TANC1: variants seen among roughly 807,000 people sequenced by gnomAD.
TANC1 encodes the protein protein TANC1.
A neutral mutation model predicts 149.7 loss-of-function variants in TANC1; 77 were observed. The ratio of observed to expected loss-of-function variants is 0.51; its 90% CI spans 0.43 to 0.62. The LOEUF (loss-of-function observed/expected upper bound fraction) is 0.62, where lower values mean the gene tolerates loss of function less well. TANC1 is among the 20% of genes least tolerant of loss of function. TANC1 has a pLI of 0.00. For missense variants in TANC1, 1,985 were observed against 2,321.8 expected (o/e 0.85, Z 2.98); for synonymous variants, 854 against 925.0 (o/e 0.92, Z 1.39).
chr2:159,029,458 G>A (rs867353987), intron 2 of TANC1, among the ~76,000 whole-genome samples: 2 of 152,136 alleles, frequency 1.3e-5, no homozygotes, highest in East Asian at 3.9e-4. Context: ...CATACAGAGT[G>A]GGTTCTTTCC....
chr2:159,028,001 T>A (rs769033208), intron 2 of TANC1, among the ~76,000 whole-genome samples: 2 of 152,188 alleles, frequency 1.3e-5, no homozygotes, highest in Non-Finnish European at 2.9e-5. Context: ...CCCATCCCGA[T>A]GACCTCATCT....
In TANC1 at chr2:159,216,507, G is replaced by A. The variant is rs569713529; in HGVS notation, c.3245-990G>A. On this transcript the variant is annotated intron_variant, in intron 19 of 26. Coordinates refer to ENST00000263635, the MANE Select transcript of TANC1 (RefSeq NM_033394.3). ...TGGGGTTGTTTCTGCCACCTCCTCC[G>A]TCCTCCTCTCTAGACAATGATTCTT... Among the ~76,000 whole-genome samples, 35 of 152,128 alleles carry A rather than the reference G, an allele frequency of 2.3e-4. No homozygotes were observed. The East Asian group carries it at 2.5e-3, about 11-fold the overall frequency.
intron 14 of TANC1, among the ~76,000 whole-genome samples, chr2:159,184,445 C>A (rs1477614227): frequency 2.6e-5 from 4 of 152,076 alleles, no homozygotes; most frequent in African/African-American, 7.3e-5. Context: ...TTAGGCCCGG[C>A]CACCAAGGGG....
chr2:159,089,162 T>C (rs2045272436), intron 3 of TANC1, among the ~76,000 whole-genome samples: 1 of 150,984 alleles, frequency 6.6e-6, no homozygotes, highest in Admixed American at 6.6e-5. Flanking sequence ...TTTTATAGAC[T>C]GGAGTGTGGT....
chr2:159,177,470 A>G (rs1221090518), intron 13 of TANC1, among the ~76,000 whole-genome samples: 1 of 152,190 alleles, frequency 6.6e-6, no homozygotes, highest in East Asian at 1.9e-4. Flanking sequence ...TTTTTTCATT[A>G]TAAAAACTGA....
At chr2:159,189,937 C>T (rs13404031) in intron 16 of TANC1, among the ~76,000 whole-genome samples, 34,786 of 152,128 alleles carry the variant, frequency 0.23, 4,177 homozygotes, top group Middle Eastern at 0.32. Context: ...GGTAAAAATA[C>T]GTACAGCATT....
At chr2:159,226,289 A>T (rs2060022252) in intron 24 of TANC1, 1 of 168,102 alleles carries the variant, frequency 5.9e-6, no homozygotes, top group African/African-American at 2.4e-5. Flanking sequence ...TCTGAGAGCC[A>T]TTATTTCTGA....
At chr2:159,135,064 C>T (rs751063461) in intron 4 of TANC1, among the ~76,000 whole-genome samples, 1 of 152,136 alleles carries the variant, frequency 6.6e-6, no homozygotes, top group South Asian at 2.1e-4. Context: ...TTTGGTCACT[C>T]TAGAAAGAAG....
In TANC1 at chr2:158,985,123, T is replaced by G. The variant is rs2034851955; in HGVS notation, c.-125-15957T>G. ...CTTTTGAAGTAGGTCAGGTGAGAGATGATGTTTGAGGCCTGAGTTAGTGGG... is the reference window on the plus strand; with the variant it reads ...CTTTTGAAGTAGGTCAGGTGAGAGAGGATGTTTGAGGCCTGAGTTAGTGGG... On this transcript the variant is annotated intron_variant, in intron 1 of 26. Transcript: ENST00000263635. Among the ~76,000 whole-genome samples the G allele has an allele frequency of 2.6e-5, 4 of 152,016 alleles. No individual in the cohort carries two copies. The South Asian group carries it at 8.3e-4, about 32-fold the overall frequency.
At chr2:159,110,857 C>G (rs887497069) in intron 4 of TANC1, among the ~76,000 whole-genome samples, 2 of 152,180 alleles carry the variant, frequency 1.3e-5, no homozygotes, top group Non-Finnish European at 2.9e-5. Flanking sequence ...ACCCTCTGGT[C>G]TGTGTTTTCT....
At chr2:159,156,395 G>T (rs1432552364) in intron 7 of TANC1, among the ~76,000 whole-genome samples, 1 of 152,186 alleles carries the variant, frequency 6.6e-6, no homozygotes, top group Non-Finnish European at 1.5e-5. Context: ...CAAAGAGCCT[G>T]CTGTACTTTT....
chr2:159,025,254 C>T, intron 2 of TANC1, among the ~76,000 whole-genome samples: 1 of 79,750 alleles, frequency 1.3e-5, no homozygotes, highest in East Asian at 3.6e-4. Flanking sequence ...CCTTCCTTCT[C>T]CTTCCTTCCT....
chr2:159,060,063 A>G (rs762137977), intron 2 of TANC1: 39 of 928,868 alleles, frequency 4.2e-5, no homozygotes, highest in Non-Finnish European at 5.0e-5. Context: ...TGTTGCTAAT[A>G]TGAAGAACAG....
chr2:159,051,224 A>G (rs186008944), intron 2 of TANC1, among the ~76,000 whole-genome samples: 16 of 152,344 alleles, frequency 1.1e-4, no homozygotes, highest in Admixed American at 8.5e-4. Context: ...TTAGGAAATA[A>G]CTTGGTAACT....
chr2:158,980,141 A>C (rs1349778927), intron 1 of TANC1, among the ~76,000 whole-genome samples: 1 of 152,218 alleles, frequency 6.6e-6, no homozygotes, highest in Non-Finnish European at 1.5e-5. Context: ...AAGTGGGAAA[A>C]TCTGGGTTAA....
chr2:159,193,071 A>C (rs2057574076), intron 16 of TANC1, among the ~76,000 whole-genome samples: 1 of 152,240 alleles, frequency 6.6e-6, no homozygotes, highest in Non-Finnish European at 1.5e-5. Context: ...TGTGCGATAG[A>C]TGTCCAGTAC....
intron 1 of TANC1, among the ~76,000 whole-genome samples, chr2:158,983,392 G>C (rs1259519790): frequency 1.3e-5 from 2 of 148,876 alleles, no homozygotes; most frequent in Non-Finnish European, 3.0e-5. Context: ...GCGTGAACCC[G>C]GGAGGCGGAG....
chr2:159,038,130 G>A (rs928964239), intron 2 of TANC1, among the ~76,000 whole-genome samples: 3 of 152,170 alleles, frequency 2.0e-5, no homozygotes, highest in African/African-American at 7.2e-5. Flanking sequence ...GTGAATGGGA[G>A]TTCACTCATG....
chr2:158,975,894 C>T (rs2033604872), intron 1 of TANC1, among the ~76,000 whole-genome samples: 1 of 150,044 alleles, frequency 6.7e-6, no homozygotes. Context: ...ACTGCAGTGG[C>T]ATGATCATGG....
Sources: gnomAD v4.1 joint callset for allele counts (sites outside exome capture counted in the v4.1 genomes callset) on GRCh38, gnomAD v4.1.1 for gene constraint, MANE v1.5 for transcripts, NCBI Gene and HGNC (gene_info 2026-07-23, HGNC 2026-07-21) for gene names.